Variants in NID2 observed in about 807,000 individuals in gnomAD.
NID2 encodes nidogen-2.
Under a neutral mutation model 145.4 loss-of-function variants are expected in NID2, and 83 were observed. The observed-to-expected ratio is 0.57, with a 90% confidence interval of 0.48 to 0.69. The LOEUF (loss-of-function observed/expected upper bound fraction) is 0.69, where lower values mean the gene tolerates loss of function less well. Among genes scored for constraint, NID2 ranks in the 30% least tolerant of loss-of-function variants. The pLI is 0.00. For synonymous variants in NID2, 739 were observed against 701.3 expected, an observed-to-expected ratio of 1.05 and a Z score of -0.85; for missense variants, 1,807 against 1,765.7, an observed-to-expected ratio of 1.02 and a Z score of -0.42.
Position 52,027,235 on chromosome 14 carries a change from C to T in NID2, c.2640G>A (p.Leu880=). ...GGTGCCCATCGCCGGCATAACCAGG[C>T]AGGCAGGCACAGCTGAACGTGCTGC... The part of the protein sequence containing the change: ...HGGSTFSCAC[L]PGYAGDGHQC... The change falls in exon 12 of 22, where the codon CTG becomes CTA. Residue 880 remains leucine (L), a synonymous_variant. Coordinates refer to ENST00000216286, the MANE Select transcript of NID2 (RefSeq NM_007361.4). 6.3e-7 allele frequency: 1 copy of T among 1,575,598 alleles called. No homozygotes were observed. Among genetic ancestry groups the T allele is most frequent in the Non-Finnish European group, 8.6e-7 (1 of 1,161,274 alleles).
At position 52,006,593 on chromosome 14, in the gene NID2, C is replaced by T. The variant is rs1379014416; in HGVS notation, c.3948G>A (p.Lys1316=). Residue 1316 remains lysine, a synonymous_variant, in exon 20 of 22, where the codon AAG becomes AAA. Transcript: ENST00000216286. The part of the protein sequence containing the change: ...TGRRVIQNNL[K]YPFSIVSYAD... Reference sequence around the variant, plus strand: ...CATAGCTTACGATGCTGAAGGGGTACTTGAGGTTGTTTTGAATGACACGCC... The same window carrying T: ...CATAGCTTACGATGCTGAAGGGGTATTTGAGGTTGTTTTGAATGACACGCC... 1 of 1,613,878 alleles carries T rather than the reference C, an allele frequency of 6.2e-7. No homozygotes were observed. The highest frequency in any genetic ancestry group is 1.7e-5 in the Admixed American group (1 of 60,014).
chr14:52,030,567 A>T (rs2516596), intron 9 of NID2, among the ~76,000 whole-genome samples: 53 of 99,320 alleles, frequency 5.3e-4, no homozygotes, highest in African/African-American at 1.6e-3. Flanking sequence ...AAAGAAAGAA[A>T]GGAAGGAAGG....
At chr14:52,058,426 T>C (rs1178588468) in intron 3 of NID2, among the ~76,000 whole-genome samples, 1 of 152,214 alleles carries the variant, frequency 6.6e-6, no homozygotes, top group Non-Finnish European at 1.5e-5. Flanking sequence ...TAAGCATGGA[T>C]TACAATAAAG....
In NID2 at chr14:52,068,160, C is replaced by A. The variant is rs1160538672; in HGVS notation, c.232G>T (p.Gly78Cys). The change falls in exon 2 of 22, where the codon GGC becomes TGC. Residue 78 changes from glycine (G) to cysteine (C), a missense_variant. Coordinates refer to ENST00000216286, the MANE Select transcript of NID2 (RefSeq NM_007361.4). ...YEARFSNLYVGTNGIISTQDF... is the reference protein window; with the variant it reads ...YEARFSNLYVCTNGIISTQDF... ...TGAGTGGAGATGATGCCGTTGGTGC[C>A]CACCTGGGAGAGGAGAGGGACAAAA... The A allele has an allele frequency of 1.3e-5, 21 of 1,612,744 alleles. 1 individual carries two copies. The Admixed American group carries it at 3.5e-4, about 27-fold the overall frequency.
chr14:52,030,874 A>G (rs183338164), intron 9 of NID2, among the ~76,000 whole-genome samples: 4 of 152,290 alleles, frequency 2.6e-5, no homozygotes, highest in African/African-American at 9.6e-5. Flanking sequence ...TTATTTCTAC[A>G]TAATAGTCAA....
At chr14:52,052,904 T>G (rs1480085185) in intron 5 of NID2, among the ~76,000 whole-genome samples, 1 of 152,146 alleles carries the variant, frequency 6.6e-6, no homozygotes, top group East Asian at 1.9e-4. Flanking sequence ...ATAGACCCCA[T>G]GTCCATGATA....
intron 9 of NID2, among the ~76,000 whole-genome samples, chr14:52,031,316 T>C (rs1286037662): frequency 6.6e-6 from 1 of 152,068 alleles, no homozygotes; most frequent in Non-Finnish European, 1.5e-5. Flanking sequence ...ACAGAACATA[T>C]TTGAAAGGCA....
intron 5 of NID2, among the ~76,000 whole-genome samples, chr14:52,047,819 A>C (rs947776589): frequency 2.0e-5 from 3 of 152,166 alleles, no homozygotes; most frequent in Non-Finnish European, 2.9e-5. Flanking sequence ...AGGGGTGAAT[A>C]ACAACTTACA....
chr14:52,040,755 T>C lies in NID2; in HGVS notation c.1922A>G (p.Tyr641Cys), dbSNP rs749030590. ...TTGAATGTTGGTCTTAATGCTCAGG[T>C]AGTTCTCTGGGTCAAGTCCCTCAGC... ...QTAEGLDPEN[Y>C]LSIKTNIQGQ... is the part of the protein sequence containing the mutation. The change falls in exon 8 of 22, where the codon TAC (tyrosine) becomes TGC (cysteine). Residue 641 changes from tyrosine to cysteine, a missense_variant. Physicochemically the swap from Tyr to Cys is radical, Grantham distance 194. Transcript: ENST00000216286. 1.2e-6 allele frequency: 2 copies of C among 1,614,186 alleles called. No homozygotes were observed. The highest frequency in any genetic ancestry group is 1.7e-6 in the Non-Finnish European group (2 of 1,180,010).
chr14:52,031,590 G>C (rs1891874285), intron 9 of NID2, among the ~76,000 whole-genome samples: 1 of 152,128 alleles, frequency 6.6e-6, no homozygotes, highest in African/African-American at 2.4e-5. Context: ...GCCCTGTCTT[G>C]ATAGCCAGCT....
intron 11 of NID2, among the ~76,000 whole-genome samples, chr14:52,027,691 C>G (rs1891640998): frequency 6.7e-6 from 1 of 149,800 alleles, no homozygotes; most frequent in African/African-American, 2.5e-5. Context: ...TCACTTTTAC[C>G]CTCATCCCAC....
intron 9 of NID2, among the ~76,000 whole-genome samples, chr14:52,031,394 T>C (rs142470774): frequency 9.9e-4 from 151 of 152,330 alleles, no homozygotes; most frequent in African/African-American, 3.5e-3. Context: ...GTGGGGCCAC[T>C]GTTCATCATT....
chr14:52,067,788 T>G, intron 2 of NID2, 70 bp downstream of exon 2: 2 of 1,567,254 alleles, frequency 1.3e-6, no homozygotes, highest in Non-Finnish European at 1.8e-6. Context: ...AGCCAGTCCC[T>G]GGGTCGCTGC....
intron 9 of NID2, among the ~76,000 whole-genome samples, chr14:52,032,746 C>A (rs1167800252): frequency 6.8e-6 from 1 of 146,526 alleles, no homozygotes; most frequent in Non-Finnish European, 1.5e-5. Context: ...CACATTCCAG[C>A]AAAGATTAGT....
chr14:52,054,710 A>T (rs1395641138), intron 3 of NID2, among the ~76,000 whole-genome samples: 3 of 152,232 alleles, frequency 2.0e-5, no homozygotes, highest in African/African-American at 7.2e-5. Context: ...CCCTGTCTCA[A>T]AAAAACAAAA....
Position 52,015,198 on chromosome 14 carries a change from C to T in NID2, c.3106G>A (p.Asp1036Asn), listed in dbSNP as rs553457436. 3.1e-6 allele frequency: 5 copies of T among 1,614,066 alleles called. No homozygotes were observed. The South Asian group carries it at 3.3e-5, about 11-fold the overall frequency. Residue 1036 changes from aspartate (D) to asparagine (N), a missense_variant, in exon 15 of 22, where the codon GAT (aspartate) becomes AAT (asparagine). Asp to Asn is a conservative substitution (Grantham distance 23, BLOSUM62 1). Transcript: ENST00000216286. ...TCGCACTGGGGCACGTACTGGTCAT[C>T]CCGGGGGGTGCCACCGTAGTGCTCC... ...LLEHYGGTPRDDQYVPQCDDL... is the reference protein window; with the variant it reads ...LLEHYGGTPRNDQYVPQCDDL...
At chr14:52,046,302 G>A (rs1425137622) in intron 5 of NID2, among the ~76,000 whole-genome samples, 5 of 113,104 alleles carry the variant, frequency 4.4e-5, no homozygotes, top group Admixed American at 1.3e-4. Flanking sequence ...CAGCCTGGGC[G>A]ACAGAGAGAG....
At chr14:52,011,477 G>C (rs1891017212) in intron 17 of NID2, 77 bp downstream of exon 17, 1 of 1,583,232 alleles carries the variant, frequency 6.3e-7, no homozygotes, top group African/African-American at 1.4e-5. Context: ...AAAAATCGAG[G>C]GGAGACTTCG....
intron 8 of NID2, among the ~76,000 whole-genome samples, chr14:52,039,633 T>C (rs980226527): frequency 7.9e-5 from 12 of 152,122 alleles, no homozygotes; most frequent in Non-Finnish European, 1.8e-4. Flanking sequence ...GCTCTCAGCA[T>C]AGGAGCAGCA....
Sources: gnomAD v4.1 joint callset for allele counts (sites outside exome capture counted in the v4.1 genomes callset) on GRCh38, gnomAD v4.1.1 for gene constraint, MANE v1.5 for transcripts, NCBI Gene and HGNC (gene_info 2026-07-23, HGNC 2026-07-21) for gene names.